The following NFU1 variants were observed in gnomAD, a reference collection of about 807,000 sequenced individuals.
NFU1 encodes the protein NFU1 iron-sulfur cluster scaffold homolog, mitochondrial.
In NFU1, 30 loss-of-function variants were observed where a neutral mutation model predicts 32.2. The observed-to-expected ratio is 0.93, with a 90% confidence interval of 0.70 to 1.26. The LOEUF is 1.26. NFU1 is among the 50% of genes most tolerant of loss of function. The probability of loss-of-function intolerance (pLI) is 0.00; values close to 1 mark genes in which losing one functional copy is unlikely to be tolerated. For synonymous variants in NFU1, 112 were observed against 104.6 expected, an observed-to-expected ratio of 1.07 and a Z score of -0.43; for missense variants, 306 against 306.6, an observed-to-expected ratio of 1.00 and a Z score of 0.02.
intron 5 of NFU1, among the ~76,000 whole-genome samples, chr2:69,406,431 G>GA (rs11380629): frequency 0.66 from 99,755 of 151,996 alleles, 34,061 homozygotes; most frequent in African/African-American, 0.86. Context: ...AAAAGAAACT[G>GA]ATTTTGATGG....
chr2:69,409,821 C>A (rs1672818777), intron 5 of NFU1, among the ~76,000 whole-genome samples: 1 of 152,154 alleles, frequency 6.6e-6, no homozygotes, highest in Non-Finnish European at 1.5e-5. Context: ...ATTGAGGGAT[C>A]CATCCCCATG....
At position 69,415,656 on chromosome 2, in the gene NFU1, T is replaced by TA. The variant is rs1370978622; in HGVS notation, c.370-358dup. Among the ~76,000 whole-genome samples the TA allele has an allele frequency of 2.6e-5, 4 of 152,270 alleles. No homozygotes were observed. In the South Asian group the frequency reaches 8.3e-4, roughly 32 times the overall value. ...TATATTTCAAAATTATTATACTTAG[T>TA]AAAAAAGGCAATTTGCAGTATAACA... On this transcript the variant is annotated intron_variant, in intron 4 of 7. Transcript: ENST00000410022.
chr2:69,414,614 T>C (rs1423537392), intron 5 of NFU1, among the ~76,000 whole-genome samples: 1 of 87,920 alleles, frequency 1.1e-5, no homozygotes, highest in African/African-American at 5.9e-5. Context: ...TGAGAGTCTG[T>C]CTCTAAAAAA....
At chr2:69,439,018 A>C (rs1459285821), upstream of NFU1, among the ~76,000 whole-genome samples, 1 of 151,624 alleles carries the variant, frequency 6.6e-6, no homozygotes, top group Non-Finnish European at 1.5e-5. Flanking sequence ...TTCTTCTCAG[A>C]CTTCAATTTT....
Position 69,423,659 on chromosome 2 carries a change from T to A in NFU1, c.225A>T (p.Ile75=). The change falls in exon 3 of 8, where the codon ATA becomes ATT. Residue 75 remains isoleucine, a synonymous_variant. Transcript: ENST00000410022. ...TTGTCTCAAGAACTGGTTTTCCTGG[T>A]ATAAACTTTAAGCTGTTTGGATTTG... ...DTPNPNSLKF[I]PGKPVLETRT... The A allele has an allele frequency of 6.2e-7, 1 of 1,612,390 alleles. No individual in the cohort carries two copies. Among genetic ancestry groups the A allele is most frequent in the Non-Finnish European group, 8.5e-7 (1 of 1,178,422 alleles).
rs765566304 is a variant in NFU1, at chr2:69,396,134, T to C, written c.*112A>G. On this transcript the variant is annotated 3_prime_UTR_variant, in exon 8 of 8. Coordinates refer to ENST00000410022, the MANE Select transcript of NFU1 (RefSeq NM_001002755.4). ...AACATGCAATATTTATATATCATTCTCTGAAGAGCATATTTTATTAATCTT... is the reference window on the plus strand; with the variant it reads ...AACATGCAATATTTATATATCATTCCCTGAAGAGCATATTTTATTAATCTT... 7.0e-6 allele frequency: 6 copies of C among 861,262 alleles called. No homozygotes were observed. Among genetic ancestry groups the C allele is most frequent in the Non-Finnish European group, 1.1e-5 (6 of 527,670 alleles). 53.4% of individuals were successfully genotyped at this position (861,262 alleles called of 1,614,324 possible). A position where few individuals can be genotyped will look rare whatever the true frequency, so the allele number is the denominator to read the frequency against.
At chr2:69,432,060 T>C (rs992631910) in intron 1 of NFU1, 55 bp from the exon 2 acceptor site, 25 of 1,251,286 alleles carry the variant, frequency 2.0e-5, no homozygotes, top group African/African-American at 1.2e-4. Flanking sequence ...TCTTTTAAAG[T>C]TGGTTTCTAC....
chr2:69,438,450 TAGAGA>T (rs757257883), upstream of NFU1, among the ~76,000 whole-genome samples: 1 of 152,064 alleles, frequency 6.6e-6, no homozygotes, highest in Non-Finnish European at 1.5e-5. Flanking sequence ...AGTATTTTTG[TAGAGA>T]AGAGGTCTCC....
chr2:69,436,704 C>A (rs748889863), intron 1 of NFU1, among the ~76,000 whole-genome samples: 18 of 152,110 alleles, frequency 1.2e-4, no homozygotes, highest in Non-Finnish European at 2.4e-4. Context: ...TTTCTCCAGA[C>A]GTAAAATTAA....
chr2:69,437,534 G>A, upstream of NFU1: 2 of 1,354,610 alleles, frequency 1.5e-6, no homozygotes, highest in Non-Finnish European at 2.0e-6. Flanking sequence ...TACCGGCTGC[G>A]GGCGGTCCTG....
chr2:69,431,793 GC>G (rs1673647191), intron 2 of NFU1, 108 bp downstream of exon 2: 4 of 749,048 alleles, frequency 5.3e-6, no homozygotes. Flanking sequence ...CTATCTATAG[GC>G]TTCTAAATAG....
chr2:69,398,740 C>T (rs1334468384), intron 7 of NFU1, among the ~76,000 whole-genome samples: 1 of 152,176 alleles, frequency 6.6e-6, no homozygotes, highest in African/African-American at 2.4e-5. Flanking sequence ...GCTTCTGTTC[C>T]TCAGTCCCTA....
chr2:69,427,612 G>A (rs1299193521), intron 2 of NFU1, among the ~76,000 whole-genome samples: 8 of 148,768 alleles, frequency 5.4e-5, no homozygotes, highest in South Asian at 4.3e-4. Context: ...CATGGGAGGC[G>A]GAGCTTGCAG....
intron 2 of NFU1, among the ~76,000 whole-genome samples, chr2:69,425,880 T>C (rs1175052311): frequency 6.6e-6 from 1 of 152,178 alleles, no homozygotes; most frequent in African/African-American, 2.4e-5. Flanking sequence ...CTTAGAGATA[T>C]TAATTAAGTT....
chr2:69,430,265 T>G (rs1053420869), intron 2 of NFU1, among the ~76,000 whole-genome samples: 2 of 151,754 alleles, frequency 1.3e-5, no homozygotes, highest in Admixed American at 1.3e-4. Flanking sequence ...CAGGCTGAAG[T>G]GCAGTGGCAT....
At chr2:69,418,437 T>C (rs1673129910) in intron 4 of NFU1, among the ~76,000 whole-genome samples, 1 of 152,080 alleles carries the variant, frequency 6.6e-6, no homozygotes, top group South Asian at 2.1e-4. Flanking sequence ...ACTAGATGAC[T>C]AGATTTAACA....
At chr2:69,411,601 T>A (rs935858081) in intron 5 of NFU1, among the ~76,000 whole-genome samples, 4 of 151,206 alleles carry the variant, frequency 2.6e-5, no homozygotes, top group Non-Finnish European at 4.4e-5. Context: ...GACTTTTTAT[T>A]TTTTTTTAAG....
At chr2:69,415,362 T>C in intron 4 of NFU1, 63 bp from the exon 5 acceptor site, 1 of 844,662 alleles carries the variant, frequency 1.2e-6, no homozygotes, top group Non-Finnish European at 2.0e-6. Context: ...TACAGAACAC[T>C]ACCTTATACC....
Position 69,404,615 on chromosome 2 carries a change from ATTTT to A in NFU1, c.545+1403_545+1406del, listed in dbSNP as rs534309730. On this transcript the variant is annotated intron_variant, in intron 6 of 7. Coordinates refer to ENST00000410022, the MANE Select transcript of NFU1 (RefSeq NM_001002755.4). Reference sequence around the variant, plus strand: ...CACTTAATAACTACTATCTTAGCAAATTTTTTTTTTTTTTTTTTTTTTTGAGAAA... The same window carrying A: ...CACTTAATAACTACTATCTTAGCAAATTTTTTTTTTTTTTTTTTTGAGAAA... Among the ~76,000 whole-genome samples, 205 of 73,012 alleles carry A rather than the reference ATTTT, an allele frequency of 2.8e-3. 7 individuals are homozygous for A. The highest frequency in any genetic ancestry group is 0.011 in the African/African-American group (183 of 15,934). 47.9% of individuals were successfully genotyped at this position (73,012 alleles called of 152,430 possible).
Sources: gnomAD v4.1 joint callset for allele counts (sites outside exome capture counted in the v4.1 genomes callset) on GRCh38, gnomAD v4.1.1 for gene constraint, MANE v1.5 for transcripts, NCBI Gene and HGNC (gene_info 2026-07-23, HGNC 2026-07-21) for gene names.